Variants in TRPS1 observed in about 807,000 individuals in gnomAD.
TRPS1 encodes the protein zinc finger transcription factor Trps1.
TRPS1 carries 6 observed loss-of-function variants against 101.2 expected under a neutral mutation model. That is an observed-to-expected ratio of 0.06 (90% CI 0.03 to 0.12). The LOEUF (loss-of-function observed/expected upper bound fraction) is 0.12. TRPS1 is among the 10% of genes least tolerant of loss of function. The probability of loss-of-function intolerance (pLI) is 1.00; values close to 1 mark genes in which losing one functional copy is unlikely to be tolerated. For synonymous variants in TRPS1, 578 were observed against 589.8 expected (o/e 0.98, Z 0.29); for missense variants, 1,363 against 1,567.0 (o/e 0.87, Z 2.20).
chr8:115,592,207 C>A (rs1052814866), intron 4 of TRPS1, among the ~76,000 whole-genome samples: 1 of 152,142 alleles, frequency 6.6e-6, no homozygotes, highest in Non-Finnish European at 1.5e-5. Context: ...TCCCACTGAA[C>A]CAGAATATCC....
intron 5 of TRPS1, among the ~76,000 whole-genome samples, chr8:115,536,006 ATAATT>A (rs1440905498): frequency 1.3e-5 from 2 of 152,156 alleles, no homozygotes; most frequent in Admixed American, 6.5e-5. Context: ...ACATCATAAC[ATAATT>A]TAAGACTGAA....
chr8:115,503,401 T>G (rs1815367863), intron 5 of TRPS1, among the ~76,000 whole-genome samples: 1 of 152,106 alleles, frequency 6.6e-6, no homozygotes, highest in African/African-American at 2.4e-5. Context: ...AGAAAAAGTT[T>G]AAGACTAGGC....
chr8:115,499,777 A>G (rs1815255336), intron 5 of TRPS1, among the ~76,000 whole-genome samples: 1 of 152,162 alleles, frequency 6.6e-6, no homozygotes. Flanking sequence ...ATTAAGAGGA[A>G]TTACTGGATT....
chr8:115,417,047 T>C (rs1192641755), intron 6 of TRPS1, among the ~76,000 whole-genome samples: 1 of 152,188 alleles, frequency 6.6e-6, no homozygotes, highest in Non-Finnish European at 1.5e-5. Context: ...ATCTTACCTC[T>C]GGAGAGATGA....
In TRPS1 at chr8:115,480,453, T is replaced by A. The variant is rs73706607; in HGVS notation, c.2701-62001A>T. 4.3e-3 allele frequency among the ~76,000 whole-genome samples: 660 copies of A among 152,256 alleles called. 7 individuals carry two copies. Among genetic ancestry groups the A allele is most frequent in the African/African-American group, 0.015 (628 of 41,572 alleles). On this transcript the variant is annotated intron_variant, in intron 5 of 6. Transcript: ENST00000395715. The stretch of plus-strand genomic sequence containing the variant: ...TTGTAATTTATGCTATGAAATGGAC[T>A]AATTTATGCACAGAAGAATAAATGT...
chr8:115,607,701 C>T (rs1818071950), intron 3 of TRPS1, among the ~76,000 whole-genome samples: 1 of 151,726 alleles, frequency 6.6e-6, no homozygotes, highest in Non-Finnish European at 1.5e-5. Context: ...ATTAGAATCA[C>T]ATATTTTAAA....
intron 5 of TRPS1, among the ~76,000 whole-genome samples, chr8:115,482,626 G>T (rs979119581): frequency 5.3e-5 from 8 of 152,108 alleles, no homozygotes; most frequent in African/African-American, 1.9e-4. Context: ...ACAAAGTTGG[G>T]ATACATCAAT....
intron 5 of TRPS1, among the ~76,000 whole-genome samples, chr8:115,485,848 A>C (rs891151734): frequency 6.6e-5 from 10 of 152,238 alleles, no homozygotes; most frequent in Non-Finnish European, 1.3e-4. Flanking sequence ...TTCAGAGAAC[A>C]GGAAGACCAG....
At chr8:115,415,920 A>G (rs1165514820) in intron 6 of TRPS1, among the ~76,000 whole-genome samples, 1 of 152,208 alleles carries the variant, frequency 6.6e-6, no homozygotes, top group Non-Finnish European at 1.5e-5. Context: ...ATATCAGAGC[A>G]TAAATAATCA....
intron 1 of TRPS1, among the ~76,000 whole-genome samples, chr8:115,644,845 T>C (rs574430037): frequency 2.6e-5 from 4 of 152,088 alleles, no homozygotes; most frequent in African/African-American, 9.7e-5. Context: ...TCTCAGGGAA[T>C]AGGGAGGACC....
At chr8:115,420,572 G>C (rs1813028429) in intron 5 of TRPS1, among the ~76,000 whole-genome samples, 1 of 152,184 alleles carries the variant, frequency 6.6e-6, no homozygotes, top group Non-Finnish European at 1.5e-5. Context: ...TGCCCTGGGT[G>C]CTTGACACAC....
intron 2 of TRPS1, among the ~76,000 whole-genome samples, chr8:115,622,492 A>G (rs1160558455): frequency 6.6e-6 from 1 of 152,212 alleles, no homozygotes; most frequent in African/African-American, 2.4e-5. Context: ...TTTAGGTTGT[A>G]ATCAAACATT....
At chr8:115,553,914 G>A (rs1482665234) in intron 5 of TRPS1, among the ~76,000 whole-genome samples, 1 of 152,064 alleles carries the variant, frequency 6.6e-6, no homozygotes, top group Non-Finnish European at 1.5e-5. Context: ...ACACTTCAAT[G>A]AATTTATTAT....
chr8:115,603,735 CT>C (rs1817960545), intron 4 of TRPS1, 137 bp downstream of exon 4: 5 of 1,027,256 alleles, frequency 4.9e-6, no homozygotes, highest in Middle Eastern at 3.1e-4. Flanking sequence ...CTGTGATGAA[CT>C]TTTATGTGGT....
At chr8:115,504,564 A>C (rs1815395387) in intron 5 of TRPS1, among the ~76,000 whole-genome samples, 1 of 152,124 alleles carries the variant, frequency 6.6e-6, no homozygotes, top group African/African-American at 2.4e-5. Flanking sequence ...ACCTTTAAAC[A>C]CAGTTGTGTA....
At position 115,427,929 on chromosome 8, in the gene TRPS1, C is replaced by T. The variant is rs74857724; in HGVS notation, c.2701-9477G>A. Among the ~76,000 whole-genome samples, 414 of 152,188 alleles carry T rather than the reference C, an allele frequency of 2.7e-3. 2 individuals are homozygous for T. The highest frequency in any genetic ancestry group is 4.7e-3 in the Non-Finnish European group (321 of 68,008). On this transcript the variant is annotated intron_variant, in intron 5 of 6. Transcript: ENST00000395715. ...AATAAAAAAAGTATGTGAAACAGGC[C>T]GCTGCTTAAAAGCAGAAGTTGGTGA...
intron 5 of TRPS1, among the ~76,000 whole-genome samples, chr8:115,440,988 A>G (rs1813578761): frequency 6.6e-6 from 1 of 152,210 alleles, no homozygotes; most frequent in East Asian, 1.9e-4. Context: ...CTTTGCTAAA[A>G]AAAAACCTCA....
intron 5 of TRPS1, among the ~76,000 whole-genome samples, chr8:115,557,200 C>T (rs1244271922): frequency 1.3e-5 from 2 of 152,084 alleles, no homozygotes; most frequent in South Asian, 4.1e-4. Context: ...ATTCAATTAA[C>T]TCCCACCAGG....
At chr8:115,638,500 A>G (rs1433418428) in intron 1 of TRPS1, among the ~76,000 whole-genome samples, 1 of 152,162 alleles carries the variant, frequency 6.6e-6, no homozygotes, top group African/African-American at 2.4e-5. Context: ...AAAAATTGAC[A>G]TTGTTCTCAA....
Sources: gnomAD v4.1 joint callset for allele counts (sites outside exome capture counted in the v4.1 genomes callset) on GRCh38, gnomAD v4.1.1 for gene constraint, MANE v1.5 for transcripts, NCBI Gene and HGNC (gene_info 2026-07-23, HGNC 2026-07-21) for gene names.